The following NRXN3 variants were observed in gnomAD, a reference collection of about 807,000 sequenced individuals.
NRXN3 encodes the protein neurexin 3, also known as neurexin III.
In NRXN3, 32 loss-of-function variants were observed where a neutral mutation model predicts 137.6. The observed-to-expected ratio is 0.23, with a 90% CI of 0.18 to 0.31. The LOEUF (loss-of-function observed/expected upper bound fraction) is 0.31, where lower values mean the gene tolerates loss of function less well. NRXN3 is among the 10% of genes least tolerant of loss of function. The pLI, the probability that NRXN3 is intolerant of heterozygous loss-of-function variation, is 1.00. For synonymous variants in NRXN3, 798 were observed against 784.5 expected, an observed-to-expected ratio of 1.02 and a Z score of -0.29; for missense variants, 1,574 against 2,062.5, an observed-to-expected ratio of 0.76 and a Z score of 4.59.
At chr14:79,023,138 CT>C (rs1302086606) in intron 15 of NRXN3, among the ~76,000 whole-genome samples, 1 of 136,252 alleles carries the variant, frequency 7.3e-6, no homozygotes, top group East Asian at 2.1e-4. Context: ...TTCTTTTTTG[CT>C]TCCAGGGTGA....
At chr14:78,540,594 T>C (rs912271095) in intron 4 of NRXN3, among the ~76,000 whole-genome samples, 7 of 152,206 alleles carry the variant, frequency 4.6e-5, no homozygotes, top group Non-Finnish European at 5.9e-5. Context: ...TGTCTTTTAA[T>C]TGGGGGCATT....
At chr14:79,557,397 A>G (rs2097441364) in intron 16 of NRXN3, among the ~76,000 whole-genome samples, 1 of 152,152 alleles carries the variant, frequency 6.6e-6, no homozygotes, top group South Asian at 2.1e-4. Context: ...ACATCCATGT[A>G]ATTAGCAAAC....
chr14:78,256,156 A>G (rs551039858), intron 2 of NRXN3, among the ~76,000 whole-genome samples: 11 of 152,268 alleles, frequency 7.2e-5, no homozygotes, highest in African/African-American at 1.9e-4. Context: ...GACCATGTCA[A>G]TGCAGTGGAA....
chr14:78,675,365 A>G (rs1272194374), intron 6 of NRXN3, among the ~76,000 whole-genome samples: 6 of 152,236 alleles, frequency 3.9e-5, no homozygotes, highest in Non-Finnish European at 2.9e-5. Flanking sequence ...AATACCTGTA[A>G]GATGTCTCTT....
chr14:78,723,793 CAT>C (rs2152876341), intron 8 of NRXN3, among the ~76,000 whole-genome samples: 1 of 9,918 alleles, frequency 1.0e-4, no homozygotes, highest in Admixed American at 2.0e-3. Context: ...GTTTTTACTC[CAT>C]TTTTTTTTTT....
intron 3 of NRXN3, among the ~76,000 whole-genome samples, chr14:78,290,871 C>G (rs879248904): frequency 6.6e-6 from 1 of 152,102 alleles, no homozygotes; most frequent in South Asian, 2.1e-4. Context: ...TGACAGTATC[C>G]GTGACTGAGG....
chr14:79,038,334 C>A (rs1003441045), intron 15 of NRXN3, among the ~76,000 whole-genome samples: 1 of 151,972 alleles, frequency 6.6e-6, no homozygotes, highest in South Asian at 2.1e-4. Context: ...AATTTAGTAG[C>A]CTTACCCTTA....
At chr14:78,562,331 A>T (rs1453972844) in intron 4 of NRXN3, among the ~76,000 whole-genome samples, 1 of 138,074 alleles carries the variant, frequency 7.2e-6, no homozygotes, top group Non-Finnish European at 1.5e-5. Context: ...CAGAAGGCGG[A>T]GGTTTCAGTG....
chr14:79,164,891 A>G (rs1488672085), intron 15 of NRXN3, among the ~76,000 whole-genome samples: 3 of 151,996 alleles, frequency 2.0e-5, no homozygotes, highest in Non-Finnish European at 2.9e-5. Flanking sequence ...ATTTTTACCT[A>G]TAGCTGGAAA....
At chr14:79,722,326 T>G (rs1022499524) in intron 19 of NRXN3, among the ~76,000 whole-genome samples, 1 of 152,064 alleles carries the variant, frequency 6.6e-6, no homozygotes, top group Non-Finnish European at 1.5e-5. Flanking sequence ...AAGCAAGCCC[T>G]AGCTTAAAAA....
chr14:78,507,800 A>G (rs1200347598), intron 4 of NRXN3, among the ~76,000 whole-genome samples: 1 of 152,194 alleles, frequency 6.6e-6, no homozygotes, highest in African/African-American at 2.4e-5. Context: ...AAATTTTGTG[A>G]CACTTCTTGA....
At chr14:79,246,203 G>A (rs2075160957) in intron 15 of NRXN3, among the ~76,000 whole-genome samples, 1 of 152,198 alleles carries the variant, frequency 6.6e-6, no homozygotes, top group African/African-American at 2.4e-5. Flanking sequence ...TTTGCAAAGG[G>A]AGTTGAATTA....
At chr14:78,765,849 A>C (rs867939994) in intron 8 of NRXN3, among the ~76,000 whole-genome samples, 2 of 152,068 alleles carry the variant, frequency 1.3e-5, no homozygotes, top group South Asian at 2.1e-4. Context: ...TTTCATCTCC[A>C]TATCTATAGA....
At chr14:79,530,213 G>A (rs1210135698) in intron 16 of NRXN3, among the ~76,000 whole-genome samples, 1 of 152,086 alleles carries the variant, frequency 6.6e-6, no homozygotes, top group East Asian at 1.9e-4. Flanking sequence ...TGTGCTGGGA[G>A]AGCTTTAGTA....
At chr14:78,706,788 T>G (rs1224696886) in intron 6 of NRXN3, among the ~76,000 whole-genome samples, 3 of 152,222 alleles carry the variant, frequency 2.0e-5, no homozygotes, top group Non-Finnish European at 4.4e-5. Flanking sequence ...TACATAATAG[T>G]GAGTCATTTT....
intron 10 of NRXN3, among the ~76,000 whole-genome samples, chr14:78,919,544 A>G (rs1481680131): frequency 6.6e-6 from 1 of 152,218 alleles, no homozygotes; most frequent in African/African-American, 2.4e-5. Flanking sequence ...TGCTGGATGG[A>G]CACCATAAAT....
chr14:79,238,152 G>T (rs2073721793), intron 15 of NRXN3, among the ~76,000 whole-genome samples: 1 of 151,970 alleles, frequency 6.6e-6, no homozygotes, highest in Non-Finnish European at 1.5e-5. Flanking sequence ...TTACAAGCGG[G>T]TGTGCTTAGT....
intron 15 of NRXN3, among the ~76,000 whole-genome samples, chr14:79,347,899 T>C (rs1391126753): frequency 6.6e-6 from 1 of 152,242 alleles, no homozygotes; most frequent in Non-Finnish European, 1.5e-5. Flanking sequence ...CGCAAATCAC[T>C]TTTGAGAGCG....
At chr14:78,848,052 C>A (rs2099032433) in intron 10 of NRXN3, among the ~76,000 whole-genome samples, 1 of 152,064 alleles carries the variant, frequency 6.6e-6, no homozygotes, top group Admixed American at 6.6e-5. Flanking sequence ...TGCCTAGAAT[C>A]TGAGGAGGAA....
Sources: allele counts gnomAD v4.1 joint callset (sites outside exome capture counted in the v4.1 genomes callset), GRCh38; gene constraint gnomAD v4.1.1; transcripts MANE v1.5; gene names NCBI Gene and HGNC (gene_info 2026-07-23, HGNC 2026-07-21).